The following SLIT3 variants were observed in gnomAD, a reference collection of about 807,000 sequenced individuals.
SLIT3 encodes the protein slit guidance ligand 3.
SLIT3 carries 68 observed loss-of-function variants against 184.0 expected under a neutral mutation model. The observed-to-expected ratio is 0.37, with a 90% CI of 0.30 to 0.45. The LOEUF (loss-of-function observed/expected upper bound fraction) is 0.45. Among genes scored for constraint, SLIT3 ranks in the 20% least tolerant of loss-of-function variants. SLIT3 has a pLI of 1.00. For synonymous variants in SLIT3, 831 were observed against 828.6 expected, an observed-to-expected ratio of 1.00 and a Z score of -0.05; for missense variants, 1,707 against 2,026.0, an observed-to-expected ratio of 0.84 and a Z score of 3.02.
intron 7 of SLIT3, 36 bp from the exon 8 acceptor site, chr5:168,817,499 C>T (rs2113656985): frequency 6.4e-7 from 1 of 1,569,376 alleles, no homozygotes; most frequent in Non-Finnish European, 8.6e-7. Context: ...GGCATGGTCA[C>T]AGGTGAAGTG....
intron 4 of SLIT3, among the ~76,000 whole-genome samples, chr5:168,957,494 C>G (rs188251143): frequency 2.8e-4 from 43 of 152,306 alleles, no homozygotes; most frequent in African/African-American, 8.7e-4. Context: ...TCTGAACATG[C>G]AGATTCTGGT....
chr5:169,123,056 A>T (rs889024073), intron 4 of SLIT3, among the ~76,000 whole-genome samples: 4 of 152,150 alleles, frequency 2.6e-5, no homozygotes, highest in African/African-American at 9.7e-5. Context: ...ATCTTCAAAA[A>T]CTTAATGGAA....
chr5:168,731,832 C>T (rs906278845), intron 20 of SLIT3, among the ~76,000 whole-genome samples: 1 of 152,070 alleles, frequency 6.6e-6, no homozygotes, highest in African/African-American at 2.4e-5. Flanking sequence ...AACAAACCCA[C>T]AGCCAACATC....
chr5:169,281,537 G>A (rs749738831), intron 1 of SLIT3, among the ~76,000 whole-genome samples: 3 of 152,062 alleles, frequency 2.0e-5, no homozygotes, highest in African/African-American at 2.4e-5. Flanking sequence ...TTGTATTTGC[G>A]GTTCCTTTCT....
At chr5:169,183,660 C>A (rs973304237) in intron 4 of SLIT3, among the ~76,000 whole-genome samples, 2 of 152,208 alleles carry the variant, frequency 1.3e-5, no homozygotes, top group Non-Finnish European at 1.5e-5. Flanking sequence ...CCCTTACCTT[C>A]AAACCAAAGA....
chr5:169,069,690 C>T (rs1758475124), intron 4 of SLIT3, among the ~76,000 whole-genome samples: 1 of 151,962 alleles, frequency 6.6e-6, no homozygotes, highest in South Asian at 2.1e-4. Context: ...CACTGGGGAT[C>T]ACCAAGAGGT....
chr5:168,950,505 T>C (rs1017973749), intron 4 of SLIT3, among the ~76,000 whole-genome samples: 1 of 152,236 alleles, frequency 6.6e-6, no homozygotes, highest in Non-Finnish European at 1.5e-5. Flanking sequence ...ATACACAGTC[T>C]CTGTTGCCAC....
chr5:168,934,614 T>G lies in SLIT3; in HGVS notation c.414-51278A>C, dbSNP rs1237901867. Among the ~76,000 whole-genome samples the G allele has an allele frequency of 3.9e-5, 6 of 152,206 alleles. No homozygotes were observed. The East Asian group carries it at 9.7e-4, about 25-fold the overall frequency. On this transcript the variant is annotated intron_variant, in intron 4 of 35. Coordinates refer to ENST00000519560, the MANE Select transcript of SLIT3 (RefSeq NM_003062.4). ...ATCACAGCAGCCTTCCTACTAGAAC[T>G]GACATGCAAGTTCAATCCCCAAAGA...
intron 1 of SLIT3, among the ~76,000 whole-genome samples, chr5:169,274,457 T>C (rs1202663032): frequency 1.3e-5 from 2 of 152,196 alleles, no homozygotes; most frequent in East Asian, 3.8e-4. Context: ...TAAGATAATG[T>C]ATAAAATTCA....
At chr5:169,271,173 G>A (rs1445366478) in intron 1 of SLIT3, among the ~76,000 whole-genome samples, 1 of 152,156 alleles carries the variant, frequency 6.6e-6, no homozygotes. Context: ...AAGGCAGGAG[G>A]GCAGACAAGC....
rs1291928585 is a variant in SLIT3 at position 169,079,819 on chromosome 5, A to AGGGAGGAGGAGGAGGGAG, written c.413+113659_413+113660insCTCCCTCCTCCTCCTCCC. Reference sequence around the variant, plus strand: ...GGGAGGAAGAGGGAAGGGGAAGAGGAGGAGGGAGGAGGAGGAGGGAGGGAG... The same window carrying AGGGAGGAGGAGGAGGGAG: ...GGGAGGAAGAGGGAAGGGGAAGAGGAGGGAGGAGGAGGAGGGAGGGAGGGAGGAGGAGGAGGGAGGGAG... On this transcript the variant is annotated intron_variant, in intron 4 of 35. Transcript: ENST00000519560. 4.9e-4 allele frequency among the ~76,000 whole-genome samples: 8 copies of AGGGAGGAGGAGGAGGGAG among 16,342 alleles called. 1 individual carries two copies. 10.7% of individuals were successfully genotyped at this position (16,342 alleles called of 152,430 possible).
At chr5:168,716,043 CT>C (rs1344684209) in intron 23 of SLIT3, among the ~76,000 whole-genome samples, 1 of 152,156 alleles carries the variant, frequency 6.6e-6, no homozygotes, top group Non-Finnish European at 1.5e-5. Flanking sequence ...TCTTGGCTCA[CT>C]GTAACCTCGA....
chr5:168,806,406 C>T (rs765596137), intron 9 of SLIT3, 40 bp downstream of exon 9: 6 of 1,611,726 alleles, frequency 3.7e-6, no homozygotes, highest in Non-Finnish European at 5.1e-6. Context: ...GCTGAATTCT[C>T]CGGCGACAGT....
At chr5:168,724,533 A>C (rs1159371522) in intron 20 of SLIT3, 49 bp from the exon 21 acceptor site, 3 of 1,526,964 alleles carry the variant, frequency 2.0e-6, no homozygotes, top group South Asian at 1.2e-5. Context: ...CACTGTACAA[A>C]TTCTCACCTT....
chr5:168,901,437 A>G (rs1186988409), intron 4 of SLIT3, among the ~76,000 whole-genome samples: 1 of 151,562 alleles, frequency 6.6e-6, no homozygotes, highest in East Asian at 1.9e-4. Context: ...ATAATAATAA[A>G]AAGAATCTCC....
At chr5:168,792,253 T>C (rs1756403620) in intron 10 of SLIT3, 1 of 152,284 alleles carries the variant, frequency 6.6e-6, no homozygotes, top group South Asian at 2.1e-4. Context: ...CCACAGCAGC[T>C]GCTCCTAGAA....
intron 5 of SLIT3, among the ~76,000 whole-genome samples, chr5:168,862,392 G>A (rs941966522): frequency 1.3e-5 from 2 of 152,172 alleles, no homozygotes; most frequent in African/African-American, 4.8e-5. Flanking sequence ...GCAAAAGGCA[G>A]ATTAAAGGGA....
At chr5:169,233,620 C>A (rs900621345) in intron 3 of SLIT3, among the ~76,000 whole-genome samples, 1 of 152,192 alleles carries the variant, frequency 6.6e-6, no homozygotes, top group Admixed American at 6.5e-5. Flanking sequence ...GCACATACCG[C>A]ACACGTACCC....
At chr5:169,244,677 T>C in intron 3 of SLIT3, 28 bp downstream of exon 3, 1 of 1,594,268 alleles carries the variant, frequency 6.3e-7, no homozygotes, top group Non-Finnish European at 8.6e-7. Context: ...AATAAATACT[T>C]TAAGAAAGGA....
Sources: gnomAD v4.1 joint callset for allele counts (sites outside exome capture counted in the v4.1 genomes callset) on GRCh38, gnomAD v4.1.1 for gene constraint, MANE v1.5 for transcripts, NCBI Gene and HGNC (gene_info 2026-07-23, HGNC 2026-07-21) for gene names.